FBXO28: variants seen among roughly 807,000 people sequenced by gnomAD.
The protein encoded by FBXO28 is F-box only protein 28.
A neutral mutation model predicts 38.1 loss-of-function variants in FBXO28; 8 were observed. The ratio of observed to expected loss-of-function variants is 0.21; its 90% CI spans 0.12 to 0.38. The LOEUF (loss-of-function observed/expected upper bound fraction) is 0.38, where lower values mean the gene tolerates loss of function less well. FBXO28 is among the 10% of genes least tolerant of loss of function. The probability of loss-of-function intolerance (pLI) is 1.00; values close to 1 mark genes in which losing one functional copy is unlikely to be tolerated. For synonymous variants in FBXO28, 168 were observed against 173.8 expected (o/e 0.97, Z 0.26); for missense variants, 345 against 460.6 (o/e 0.75, Z 2.30).
chr1:224,141,019 CT>C lies in FBXO28; in HGVS notation c.516+6808del, dbSNP rs549992060. Among the ~76,000 whole-genome samples the C allele has an allele frequency of 2.3e-3, 339 of 150,282 alleles. 3 individuals carry two copies. The highest frequency in any genetic ancestry group is 7.7e-3 in the African/African-American group (316 of 40,858). The stretch of plus-strand genomic sequence containing the variant: ...CCAACATGGTGAAACCCTTTCTCTA[CT>C]AAAAATGCAAAATTAGCCAAGTGTA... On this transcript the variant is annotated intron_variant, in intron 3 of 4. Coordinates refer to ENST00000366862, the MANE Select transcript of FBXO28 (RefSeq NM_015176.4).
intron 1 of FBXO28, among the ~76,000 whole-genome samples, chr1:224,124,831 G>A (rs1044126959): frequency 1.3e-5 from 2 of 152,046 alleles, no homozygotes; most frequent in African/African-American, 2.4e-5. Flanking sequence ...AGGTTCAAGC[G>A]ACCCTCCTGC....
chr1:224,114,779 T>C (rs1321271784), intron 1 of FBXO28, among the ~76,000 whole-genome samples: 1 of 152,158 alleles, frequency 6.6e-6, no homozygotes, highest in African/African-American at 2.4e-5. Flanking sequence ...CGGCCTGGGT[T>C]TGGGGAGAAA....
At chr1:224,151,392 T>C (rs6704386) in intron 3 of FBXO28, among the ~76,000 whole-genome samples, 140,865 of 152,222 alleles carry the variant, frequency 0.93, 66,081 homozygotes, top group Non-Finnish European at 1. Context: ...ATGATAAGGA[T>C]ACATCCTAAG....
chr1:224,136,797 G>A (rs925332055), intron 3 of FBXO28, among the ~76,000 whole-genome samples: 1 of 151,450 alleles, frequency 6.6e-6, no homozygotes, highest in Admixed American at 6.6e-5. Context: ...TGTCGCCCAG[G>A]CTGGAGTCCA....
rs79120617 is a variant in FBXO28 at position 224,131,232 on chromosome 1, A to G, written c.377+651A>G. Among the ~76,000 whole-genome samples the G allele has an allele frequency of 6.7e-4, 101 of 151,618 alleles. No homozygotes were observed. The East Asian group carries it at 0.018, about 28-fold the overall frequency. ...ATAGGGGTTGACAATAAGGTACAAT[A>G]TGTTTTGTTTGTTTCTTGACTTTTT... On this transcript the variant is annotated intron_variant, in intron 2 of 4. Coordinates refer to ENST00000366862, the MANE Select transcript of FBXO28 (RefSeq NM_015176.4).
intron 4 of FBXO28, among the ~76,000 whole-genome samples, chr1:224,154,603 T>C (rs1458756235): frequency 1.3e-5 from 2 of 151,260 alleles, no homozygotes; most frequent in Admixed American, 6.6e-5. Context: ...GGTCAGGAGA[T>C]GGAGACCATC....
intron 4 of FBXO28, among the ~76,000 whole-genome samples, 193 bp from the exon 5 acceptor site, chr1:224,157,159 A>G (rs1485727942): frequency 1.3e-5 from 2 of 152,234 alleles, no homozygotes; most frequent in East Asian, 3.8e-4. Context: ...CAGGAGAATC[A>G]GAATTTAAAC....
intron 3 of FBXO28, among the ~76,000 whole-genome samples, chr1:224,139,788 A>G (rs1306809506): frequency 2.0e-5 from 3 of 151,714 alleles, no homozygotes; most frequent in East Asian, 1.9e-4. Context: ...ATACATACAT[A>G]CATACATACA....
At chr1:224,139,798 ATAC>A (rs1558192822) in intron 3 of FBXO28, among the ~76,000 whole-genome samples, 11 of 151,928 alleles carry the variant, frequency 7.2e-5, no homozygotes, top group African/African-American at 2.7e-4. Context: ...ACATACATAC[ATAC>A]ATTTTGGCCA....
chr1:224,133,263 G>T (rs960503057), intron 2 of FBXO28, among the ~76,000 whole-genome samples: 24 of 152,266 alleles, frequency 1.6e-4, no homozygotes, highest in Middle Eastern at 3.4e-3. Flanking sequence ...TTGTGGTAAT[G>T]AAAATATTCT....
chr1:224,148,669 GAAAAA>G (rs1240562426), intron 3 of FBXO28, among the ~76,000 whole-genome samples: 1 of 135,404 alleles, frequency 7.4e-6, no homozygotes, highest in Non-Finnish European at 1.6e-5. Context: ...CTCAAAAAAA[GAAAAA>G]AAAAAAGAAA....
intron 3 of FBXO28, chr1:224,134,450 G>C (rs1657128777): frequency 6.3e-6 from 2 of 317,344 alleles, no homozygotes; most frequent in Non-Finnish European, 1.1e-5. Flanking sequence ...TTTTTTAAGA[G>C]TTCATACTCA....
At chr1:224,141,767 T>C (rs544614561) in intron 3 of FBXO28, among the ~76,000 whole-genome samples, 1 of 152,296 alleles carries the variant, frequency 6.6e-6, no homozygotes, top group South Asian at 2.1e-4. Context: ...TACACCTGTA[T>C]AGGGCATTTA....
At chr1:224,141,374 G>A (rs1318243203) in intron 3 of FBXO28, among the ~76,000 whole-genome samples, 1 of 151,682 alleles carries the variant, frequency 6.6e-6, no homozygotes, top group African/African-American at 2.4e-5. Flanking sequence ...GGGAGGCTGA[G>A]GCAGGAGAAT....
At chr1:224,143,640 C>T (rs1356774940) in intron 3 of FBXO28, among the ~76,000 whole-genome samples, 2 of 151,768 alleles carry the variant, frequency 1.3e-5, no homozygotes, top group African/African-American at 4.8e-5. Flanking sequence ...CTAGCTAACA[C>T]GGTAAAACCC....
chr1:224,147,141 A>G (rs866951689), intron 3 of FBXO28, among the ~76,000 whole-genome samples: 2 of 151,778 alleles, frequency 1.3e-5, no homozygotes, highest in African/African-American at 2.4e-5. Context: ...AAGAAAAACA[A>G]TTGCCGGATG....
At chr1:224,139,739 G>GAAAT (rs1259088282) in intron 3 of FBXO28, among the ~76,000 whole-genome samples, 4 of 125,688 alleles carry the variant, frequency 3.2e-5, no homozygotes, top group African/African-American at 1.2e-4. Context: ...GACTTCGTCT[G>GAAAT]AAATAAATAC....
chr1:224,154,977 CAA>C (rs34053203), intron 4 of FBXO28, among the ~76,000 whole-genome samples: 115 of 124,252 alleles, frequency 9.3e-4, no homozygotes, highest in Admixed American at 9.9e-4. Flanking sequence ...GACTCCGTCT[CAA>C]AAAAAAAAAA....
intron 3 of FBXO28, among the ~76,000 whole-genome samples, chr1:224,135,611 C>CAAAAAAAAAAAAAAAAAAAAAAAAAAAA (rs71168313): frequency 9.0e-6 from 1 of 110,766 alleles, no homozygotes. Context: ...GACTCTGTCT[C>CAAAAAAAAAAAAAAAAAAAAAAAAAAAA]AAAAAAAAAA....
Sources: allele counts gnomAD v4.1 joint callset (sites outside exome capture counted in the v4.1 genomes callset), GRCh38; gene constraint gnomAD v4.1.1; transcripts MANE v1.5; gene names NCBI Gene and HGNC (gene_info 2026-07-23, HGNC 2026-07-21).